The following ACTA2 variants were observed in gnomAD, a reference collection of about 807,000 sequenced individuals.
ACTA2 encodes the protein actin, aortic smooth muscle.
In ACTA2, 12 loss-of-function variants were observed where a neutral mutation model predicts 39.5. That is an observed-to-expected ratio of 0.30 (90% CI 0.19 to 0.49). The LOEUF is 0.49. ACTA2 is among the 20% of genes least tolerant of loss of function. The pLI is 0.99. For synonymous variants in ACTA2, 158 were observed against 180.6 expected (o/e 0.88, Z 1.00); for missense variants, 236 against 498.8 (o/e 0.47, Z 5.02).
chr10:88,937,963 G>C (rs1845773957), intron 8 of ACTA2, 98 bp downstream of exon 8: 2 of 1,425,294 alleles, frequency 1.4e-6, no homozygotes, highest in African/African-American at 2.8e-5. Context: ...ACCCACAATT[G>C]CATGTCACCA....
intron 1 of ACTA2, among the ~76,000 whole-genome samples, chr10:88,959,435 C>G (rs1026508197): frequency 2.0e-5 from 3 of 152,146 alleles, no homozygotes. Context: ...GCATCAGAAT[C>G]AACAGAGGAG....
intron 3 of ACTA2, among the ~76,000 whole-genome samples, chr10:88,946,100 T>C (rs767875090): frequency 1.8e-4 from 27 of 151,884 alleles, no homozygotes; most frequent in Non-Finnish European, 3.1e-4. Flanking sequence ...AAGGACATTT[T>C]TTTCCTTTTC....
intron 1 of ACTA2, among the ~76,000 whole-genome samples, chr10:88,988,143 C>T (rs369443507): frequency 6.6e-6 from 1 of 152,086 alleles, no homozygotes; most frequent in East Asian, 1.9e-4. Context: ...GGTTCTATTT[C>T]TCTAGAGAAC....
chr10:88,983,009 G>A (rs758482155), intron 1 of ACTA2, among the ~76,000 whole-genome samples: 3 of 152,196 alleles, frequency 2.0e-5, no homozygotes, highest in African/African-American at 7.2e-5. Context: ...TCACATGGGA[G>A]CTGGTGAGAA....
chr10:88,962,365 C>G (rs1002471395), intron 1 of ACTA2, among the ~76,000 whole-genome samples: 1 of 152,120 alleles, frequency 6.6e-6, no homozygotes. Context: ...CCTGACAACC[C>G]AACCTACAGT....
At chr10:88,937,658 A>C (rs1340153934) in intron 8 of ACTA2, among the ~76,000 whole-genome samples, 1 of 152,148 alleles carries the variant, frequency 6.6e-6, no homozygotes, top group Non-Finnish European at 1.5e-5. Context: ...GCTCCTCCTA[A>C]ATCTACAGTG....
intron 1 of ACTA2, among the ~76,000 whole-genome samples, chr10:88,971,511 A>G (rs2133323919): frequency 6.6e-6 from 1 of 152,270 alleles, no homozygotes; most frequent in South Asian, 2.1e-4. Context: ...ATTTCCTCAA[A>G]TCCCATCTGA....
chr10:88,982,603 G>A (rs1846738343), intron 1 of ACTA2, among the ~76,000 whole-genome samples: 1 of 152,128 alleles, frequency 6.6e-6, no homozygotes, highest in Admixed American at 6.5e-5. Context: ...CAGGCTTCTA[G>A]CCAGTTTTCT....
At position 88,990,786 on chromosome 10, in the gene ACTA2, A is replaced by T. The variant is rs756858086; in HGVS notation, c.-24+153T>A. ...ACCCTGAGGCCAGCCCTGGCTGCCC[A>T]GGCGGAGCTGCCTCTTCTCCCGCGG... On this transcript the variant is annotated intron_variant, in intron 1 of 4. Transcript: ENST00000415557. This position sits in a 1 kb window ranked among gnomAD's most constrained non-coding sequence, Gnocchi z 4.9. 2 of 1,560,154 alleles carry T rather than the reference A, an allele frequency of 1.3e-6. No individual in the cohort carries two copies. The highest frequency in any genetic ancestry group is 1.8e-6 in the Non-Finnish European group (2 of 1,132,290).
At chr10:88,963,509 AT>A (rs143523748) in intron 1 of ACTA2, among the ~76,000 whole-genome samples, 18,678 of 152,114 alleles carry the variant, frequency 0.12, 1,161 homozygotes, top group Non-Finnish European at 0.14. Flanking sequence ...TAGTCAAGAC[AT>A]TTTTTGTCCC....
At chr10:88,962,531 A>T (rs181852444) in intron 1 of ACTA2, among the ~76,000 whole-genome samples, 2 of 152,292 alleles carry the variant, frequency 1.3e-5, no homozygotes, top group Admixed American at 1.3e-4. Flanking sequence ...TGGTTCTGTA[A>T]GTTTTGCTTA....
intron 1 of ACTA2, among the ~76,000 whole-genome samples, chr10:88,975,726 C>T (rs80065980): frequency 0.016 from 2,476 of 151,892 alleles, 88 homozygotes; most frequent in African/African-American, 0.057. Flanking sequence ...AATAAATATT[C>T]GAGAATTAAA....
At chr10:88,945,625 G>A (rs1469119124) in intron 3 of ACTA2, among the ~76,000 whole-genome samples, 4 of 152,052 alleles carry the variant, frequency 2.6e-5, no homozygotes, top group Admixed American at 2.6e-4. Context: ...TTAAGTGTCT[G>A]GGAGATAAGG....
chr10:88,970,071 G>GAT (rs1181191535), intron 1 of ACTA2, among the ~76,000 whole-genome samples: 1 of 152,150 alleles, frequency 6.6e-6, no homozygotes, highest in Non-Finnish European at 1.5e-5. Flanking sequence ...GGGTTTTAGA[G>GAT]ATAGAACAAT....
chr10:88,953,890 C>T (rs561792155), upstream of ACTA2, among the ~76,000 whole-genome samples: 36 of 152,240 alleles, frequency 2.4e-4, no homozygotes, highest in South Asian at 6.4e-3. Flanking sequence ...TTGAGGCCTC[C>T]CCAGCCATGC....
At chr10:88,980,515 T>A (rs1046939443) in intron 1 of ACTA2, among the ~76,000 whole-genome samples, 2 of 151,898 alleles carry the variant, frequency 1.3e-5, no homozygotes, top group African/African-American at 4.9e-5. Context: ...TAATTTGTCA[T>A]CCCCAGTAAT....
At chr10:88,950,091 A>T (rs529615278) in intron 1 of ACTA2, among the ~76,000 whole-genome samples, 1 of 152,344 alleles carries the variant, frequency 6.6e-6, no homozygotes, top group Non-Finnish European at 1.5e-5. Context: ...TTCACAAATA[A>T]GAAAATCAGG....
intron 3 of ACTA2, 84 bp from the exon 4 acceptor site, chr10:88,943,991 T>C: frequency 1.6e-6 from 2 of 1,254,432 alleles, no homozygotes; most frequent in Non-Finnish European, 2.3e-6. Context: ...CAGAAGCTAC[T>C]TGAAACCAAG....
chr10:88,969,271 C>CA (rs1294134839), intron 1 of ACTA2, among the ~76,000 whole-genome samples: 5 of 151,968 alleles, frequency 3.3e-5, no homozygotes, highest in Admixed American at 1.3e-4. Flanking sequence ...TTTCATTTCC[C>CA]AAAAAAAGCT....
Sources: allele counts gnomAD v4.1 joint callset (sites outside exome capture counted in the v4.1 genomes callset), GRCh38; gene constraint gnomAD v4.1.1; non-coding constraint Gnocchi (gnomAD v3.1); transcripts MANE v1.5; gene names NCBI Gene and HGNC (gene_info 2026-07-23, HGNC 2026-07-21).